TPRG1: variants seen among roughly 807,000 people sequenced by gnomAD.
The protein encoded by TPRG1 is tumor protein p63 regulated 1, also known as tumor protein p63-regulated gene 1 protein.
In TPRG1, 29 loss-of-function variants were observed where a neutral mutation model predicts 29.3. The observed-to-expected ratio is 0.99, with a 90% CI of 0.74 to 1.35. The LOEUF (loss-of-function observed/expected upper bound fraction) is 1.35. Among genes scored for constraint, TPRG1 ranks in the 40% most tolerant of loss-of-function variants. The probability of loss-of-function intolerance (pLI) is 0.00; values close to 1 mark genes in which losing one functional copy is unlikely to be tolerated. For missense variants in TPRG1, 327 were observed against 335.0 expected (o/e 0.98, Z 0.19); for synonymous variants, 130 against 116.8 (o/e 1.11, Z -0.73).
At chr3:189,243,523 G>A (rs187421042) in intron 4 of TPRG1, among the ~76,000 whole-genome samples, 2 of 151,956 alleles carry the variant, frequency 1.3e-5, no homozygotes, top group Admixed American at 1.3e-4. Flanking sequence ...AAGCCTACCT[G>A]AATTCTTCCC....
chr3:189,135,906 C>T (rs972200270), intron 3 of TPRG1, among the ~76,000 whole-genome samples: 1 of 152,168 alleles, frequency 6.6e-6, no homozygotes, highest in Non-Finnish European at 1.5e-5. Context: ...CAGTCCAATT[C>T]AAATATCTCC....
At chr3:189,068,262 A>G (rs1716582512) in intron 4 of TPRG1, among the ~76,000 whole-genome samples, 1 of 152,228 alleles carries the variant, frequency 6.6e-6, no homozygotes. Context: ...GTGGTTCCTC[A>G]GAAAACTAAA....
At chr3:189,147,716 G>C (rs946799380) in intron 4 of TPRG1, 2 of 152,382 alleles carry the variant, frequency 1.3e-5, no homozygotes, top group Middle Eastern at 6.8e-3. Context: ...GTAGGTCTCC[G>C]GCCTGAAAAG....
At chr3:189,284,379 G>A (rs1349833956) in intron 4 of TPRG1, among the ~76,000 whole-genome samples, 1 of 103,302 alleles carries the variant, frequency 9.7e-6, no homozygotes, top group African/African-American at 4.2e-5. Flanking sequence ...AACAGGCCCT[G>A]GTACGTGATG....
chr3:189,296,170 T>C (rs1719887343), intron 4 of TPRG1, among the ~76,000 whole-genome samples: 1 of 152,250 alleles, frequency 6.6e-6, no homozygotes, highest in African/African-American at 2.4e-5. Flanking sequence ...GTTTGTTCTC[T>C]GCCTCACAAT....
At chr3:189,166,998 G>A (rs1728241972), upstream of TPRG1, among the ~76,000 whole-genome samples, 1 of 152,186 alleles carries the variant, frequency 6.6e-6, no homozygotes, top group South Asian at 2.1e-4. Flanking sequence ...CAAAATTAAT[G>A]CCAAGAAGAG....
At chr3:189,315,587 T>A (rs1413355310) in intron 5 of TPRG1, 1 of 432,692 alleles carries the variant, frequency 2.3e-6, no homozygotes, top group Non-Finnish European at 4.6e-6. Flanking sequence ...CATCATGATC[T>A]ACAGACCAAC....
At chr3:189,094,294 C>T (rs1460475282) in intron 4 of TPRG1, among the ~76,000 whole-genome samples, 1 of 152,164 alleles carries the variant, frequency 6.6e-6, no homozygotes, top group Non-Finnish European at 1.5e-5. Flanking sequence ...GTGAAGGAGG[C>T]AACGTTGCCC....
chr3:189,118,677 A>G (rs956610890), intron 1 of TPRG1, among the ~76,000 whole-genome samples: 5 of 152,216 alleles, frequency 3.3e-5, no homozygotes, highest in Non-Finnish European at 7.3e-5. Context: ...ACAGCTCAGG[A>G]CATTGCTTCA....
intron 4 of TPRG1, among the ~76,000 whole-genome samples, chr3:189,287,918 A>G (rs1304171172): frequency 6.6e-6 from 1 of 152,134 alleles, no homozygotes; most frequent in Non-Finnish European, 1.5e-5. Context: ...TGAGTTCATA[A>G]TGATGAAATG....
intron 3 of TPRG1, among the ~76,000 whole-genome samples, chr3:189,140,722 G>A (rs879314009): frequency 4.6e-5 from 7 of 152,112 alleles, no homozygotes; most frequent in Admixed American, 1.3e-4. Flanking sequence ...AGCCTAATTC[G>A]GTGGCAGTCC....
intron 4 of TPRG1, among the ~76,000 whole-genome samples, chr3:189,300,578 T>C (rs570355495): frequency 2.0e-5 from 3 of 152,212 alleles, no homozygotes; most frequent in African/African-American, 7.2e-5. Context: ...GCAGGCTTAA[T>C]GTTATCCTTC....
chr3:189,143,419 T>C (rs1346196130), intron 3 of TPRG1, among the ~76,000 whole-genome samples: 1 of 152,210 alleles, frequency 6.6e-6, no homozygotes, highest in Non-Finnish European at 1.5e-5. Context: ...GAGGAGAAGA[T>C]GGTTGTCTGA....
At chr3:189,245,352 A>T (rs943638066) in intron 4 of TPRG1, among the ~76,000 whole-genome samples, 1 of 152,026 alleles carries the variant, frequency 6.6e-6, no homozygotes, top group African/African-American at 2.4e-5. Flanking sequence ...ACAGTTATAA[A>T]TTTCCTTTTA....
intron 1 of TPRG1, among the ~76,000 whole-genome samples, chr3:189,206,191 A>G (rs1734340376): frequency 6.9e-6 from 1 of 145,518 alleles, no homozygotes; most frequent in South Asian, 2.2e-4. Flanking sequence ...ACAAATTGGA[A>G]TAATATTATT....
chr3:189,280,698 G>A (rs1473183666), intron 4 of TPRG1, among the ~76,000 whole-genome samples: 1 of 152,154 alleles, frequency 6.6e-6, no homozygotes, highest in Non-Finnish European at 1.5e-5. Context: ...CTGGGTTAAA[G>A]CTGTAACCCT....
intron 4 of TPRG1, among the ~76,000 whole-genome samples, chr3:189,279,308 A>C (rs535650124): frequency 3.9e-5 from 6 of 152,194 alleles, no homozygotes; most frequent in Non-Finnish European, 8.8e-5. Context: ...TCAACTTTCT[A>C]TGCATGATTC....
chr3:189,288,112 T>TTG (rs1214089735), intron 4 of TPRG1, among the ~76,000 whole-genome samples: 4 of 151,154 alleles, frequency 2.6e-5, no homozygotes, highest in Admixed American at 2.6e-4. Flanking sequence ...GTGTATATGG[T>TTG]TGTGTGTGTG....
intron 3 of TPRG1, among the ~76,000 whole-genome samples, chr3:189,009,559 A>C (rs1712486065): frequency 6.6e-6 from 1 of 152,170 alleles, no homozygotes; most frequent in Non-Finnish European, 1.5e-5. Flanking sequence ...TTTTATATAC[A>C]TATACAGCAC....
Sources: gnomAD v4.1 joint callset for allele counts (sites outside exome capture counted in the v4.1 genomes callset) on GRCh38, gnomAD v4.1.1 for gene constraint, MANE v1.5 for transcripts, NCBI Gene and HGNC (gene_info 2026-07-23, HGNC 2026-07-21) for gene names.